RPH3A: variants seen among roughly 807,000 people sequenced by gnomAD.
The protein encoded by RPH3A is rabphilin-3A.
Under a neutral mutation model 102.2 loss-of-function variants are expected in RPH3A, and 48 were observed. The ratio of observed to expected loss-of-function variants is 0.47; its 90% CI spans 0.37 to 0.60. The LOEUF is 0.60. Among genes scored for constraint, RPH3A ranks in the 20% least tolerant of loss-of-function variants. The pLI is 0.00. For missense variants in RPH3A, 781 were observed against 910.1 expected, an observed-to-expected ratio of 0.86 and a Z score of 1.83; for synonymous variants, 310 against 324.3, an observed-to-expected ratio of 0.96 and a Z score of 0.47.
At chr12:112,696,181 G>A (rs112929864) in intron 1 of RPH3A, among the ~76,000 whole-genome samples, 2 of 152,132 alleles carry the variant, frequency 1.3e-5, no homozygotes, top group Admixed American at 6.6e-5. Context: ...CCTTTTTATG[G>A]CTGAGTAATA....
chr12:112,667,116 C>G (rs972876019), intron 1 of RPH3A, among the ~76,000 whole-genome samples: 1 of 152,188 alleles, frequency 6.6e-6, no homozygotes, highest in African/African-American at 2.4e-5. Flanking sequence ...GAGTGCCTCA[C>G]CTCTTCTGCT....
intron 2 of RPH3A, among the ~76,000 whole-genome samples, chr12:112,825,387 G>A (rs1409026713): frequency 5.3e-5 from 8 of 152,158 alleles, no homozygotes; most frequent in Non-Finnish European, 5.9e-5. Context: ...GACAGGAGAG[G>A]GAGGTCACTG....
rs181522409 is a variant in RPH3A at position 112,674,320 on chromosome 12, C to T, written c.-140+99001C>T. On this transcript the variant is annotated intron_variant, in intron 1 of 21. Coordinates refer to the RPH3A transcript ENST00000543106. ...AAAATGAAGGCTCAGAGACTCAGAG[C>T]GGCAAGAGGCTGCCTAACGACTGAG... Among the ~76,000 whole-genome samples the T allele has an allele frequency of 1.4e-3, 208 of 152,208 alleles. 1 individual carries two copies. Among genetic ancestry groups the T allele is most frequent in the African/African-American group, 4.7e-3 (197 of 41,518 alleles).
chr12:112,802,651 C>T (rs1411230244), intron 2 of RPH3A, among the ~76,000 whole-genome samples: 2 of 151,822 alleles, frequency 1.3e-5, no homozygotes, highest in East Asian at 1.9e-4. Flanking sequence ...TGTGTGTGTT[C>T]AGGAGTGGTC....
At chr12:112,830,973 C>G (rs573544861) in intron 3 of RPH3A, among the ~76,000 whole-genome samples, 7 of 152,116 alleles carry the variant, frequency 4.6e-5, no homozygotes, top group African/African-American at 1.7e-4. Context: ...TCAGCAAACT[C>G]TTTCTGTAAA....
chr12:112,581,307 C>G (rs2039399115), intron 1 of RPH3A, among the ~76,000 whole-genome samples: 1 of 152,024 alleles, frequency 6.6e-6, no homozygotes, highest in Non-Finnish European at 1.5e-5. Flanking sequence ...GAGGGAACTC[C>G]CCTTTATAAA....
chr12:112,739,966 A>G (rs1374404280), intron 1 of RPH3A, among the ~76,000 whole-genome samples: 1 of 152,010 alleles, frequency 6.6e-6, no homozygotes, highest in Non-Finnish European at 1.5e-5. Flanking sequence ...TTGGGTAGTA[A>G]CCACTTTCTG....
chr12:112,896,554 T>C, intron 21 of RPH3A, 96 bp from the exon 22 acceptor site: 1 of 1,431,466 alleles, frequency 7.0e-7, no homozygotes, highest in African/African-American at 1.4e-5. Flanking sequence ...TTGCTGGGGG[T>C]CACTGCTTGG....
rs370542525 is a variant in RPH3A, at chr12:112,842,064, T to G, written c.83+5562T>G. 21 of 455,940 alleles carry G rather than the reference T, an allele frequency of 4.6e-5. No homozygotes were observed. In the East Asian group the frequency reaches 1.0e-3, roughly 23 times the overall value. 28.2% of individuals were successfully genotyped at this position (455,940 alleles called of 1,614,324 possible). ...AAATGCCAGTCAGTGATCCAGGCTGTGCGTTTTGTTTCATTCCATTGGGTT... is the reference window on the plus strand; with the variant it reads ...AAATGCCAGTCAGTGATCCAGGCTGGGCGTTTTGTTTCATTCCATTGGGTT... On this transcript the variant is annotated intron_variant, in intron 4 of 21. Coordinates refer to ENST00000389385, the MANE Select transcript of RPH3A (RefSeq NM_001143854.2).
At chr12:112,693,623 G>A (rs997186474) in intron 1 of RPH3A, among the ~76,000 whole-genome samples, 4 of 151,958 alleles carry the variant, frequency 2.6e-5, no homozygotes, top group African/African-American at 9.7e-5. Context: ...TTTGTTTATT[G>A]CGTCTTCTGC....
At chr12:112,753,152 G>A (rs2040797088) in intron 1 of RPH3A, among the ~76,000 whole-genome samples, 1 of 152,014 alleles carries the variant, frequency 6.6e-6, no homozygotes, top group South Asian at 2.1e-4. Context: ...AAAGGCCCCA[G>A]CTAGACAAAC....
intron 1 of RPH3A, among the ~76,000 whole-genome samples, chr12:112,651,436 A>T (rs758545829): frequency 2.3e-4 from 35 of 152,168 alleles, no homozygotes; most frequent in Non-Finnish European, 4.9e-4. Context: ...TCCCGCCCCC[A>T]GCTAAACCAA....
intron 1 of RPH3A, among the ~76,000 whole-genome samples, chr12:112,576,639 G>A (rs1041445327): frequency 7.2e-5 from 11 of 152,136 alleles, no homozygotes; most frequent in Admixed American, 2.6e-4. Flanking sequence ...TACAGCATGA[G>A]GCCCTGCACC....
intron 2 of RPH3A, among the ~76,000 whole-genome samples, chr12:112,816,806 G>A (rs1593036600): frequency 6.6e-6 from 1 of 152,192 alleles, no homozygotes; most frequent in East Asian, 1.9e-4. Context: ...TTTCATTCCA[G>A]TGCAGAAACT....
At chr12:112,757,115 G>A (rs1219889045) in intron 1 of RPH3A, among the ~76,000 whole-genome samples, 1 of 152,022 alleles carries the variant, frequency 6.6e-6, no homozygotes, top group African/African-American at 2.4e-5. Flanking sequence ...ATACATATTT[G>A]CTGAATAGAC....
intron 3 of RPH3A, chr12:112,831,873 G>A (rs764511192): frequency 4.4e-6 from 2 of 455,106 alleles, no homozygotes; most frequent in African/African-American, 2.0e-5. Context: ...TCTTTTTGAT[G>A]TTCTGTAGTA....
intron 2 of RPH3A, among the ~76,000 whole-genome samples, chr12:112,792,557 G>A (rs1278738955): frequency 6.6e-6 from 1 of 152,238 alleles, no homozygotes. Context: ...AGCAGAAGCT[G>A]GTGAAAGTAG....
At chr12:112,797,662 C>T (rs774790418) in intron 2 of RPH3A, among the ~76,000 whole-genome samples, 1 of 151,838 alleles carries the variant, frequency 6.6e-6, no homozygotes, top group Non-Finnish European at 1.5e-5. Context: ...TTGGGATTTG[C>T]AGGCGGTGGC....
chr12:112,730,023 A>G (rs1592968079), intron 1 of RPH3A, among the ~76,000 whole-genome samples: 2 of 151,988 alleles, frequency 1.3e-5, no homozygotes, highest in Admixed American at 1.3e-4. Context: ...ACACACATAC[A>G]CACACACACA....
Sources: gnomAD v4.1 joint callset for allele counts (sites outside exome capture counted in the v4.1 genomes callset) on GRCh38, gnomAD v4.1.1 for gene constraint, MANE v1.5 for transcripts, NCBI Gene and HGNC (gene_info 2026-07-23, HGNC 2026-07-21) for gene names.